RALGPS2: variants seen among roughly 807,000 people sequenced by gnomAD.
RALGPS2 encodes Ral GEF with PH domain and SH3 binding motif 2.
RALGPS2 carries 43 observed loss-of-function variants against 86.8 expected under a neutral mutation model. The observed-to-expected ratio is 0.50, with a 90% CI of 0.39 to 0.64. The LOEUF (loss-of-function observed/expected upper bound fraction) is 0.64, where lower values mean the gene tolerates loss of function less well. Ranked by LOEUF, RALGPS2 falls within the 30% of genes least tolerant of loss-of-function variation. The pLI is 0.00. For synonymous variants in RALGPS2, 243 were observed against 231.3 expected, an observed-to-expected ratio of 1.05 and a Z score of -0.46; for missense variants, 536 against 694.6, an observed-to-expected ratio of 0.77 and a Z score of 2.57.
intron 3 of RALGPS2, among the ~76,000 whole-genome samples, chr1:178,784,811 C>G (rs1215561762): frequency 6.6e-6 from 1 of 151,924 alleles, no homozygotes; most frequent in Admixed American, 6.6e-5. Flanking sequence ...TACCATTTCT[C>G]TAAGCCAACT....
intron 1 of RALGPS2, among the ~76,000 whole-genome samples, chr1:178,768,473 T>C (rs1652621232): frequency 6.6e-6 from 1 of 152,208 alleles, no homozygotes; most frequent in Non-Finnish European, 1.5e-5. Flanking sequence ...AGCACTTCTG[T>C]TGGCAGGTTT....
At chr1:178,847,241 T>A (rs574171858) in intron 8 of RALGPS2, among the ~76,000 whole-genome samples, 5 of 151,856 alleles carry the variant, frequency 3.3e-5, no homozygotes, top group Admixed American at 1.3e-4. Flanking sequence ...AGGTCAGGAG[T>A]TCGAGACTAG....
intron 8 of RALGPS2, among the ~76,000 whole-genome samples, chr1:178,866,690 T>C (rs1658433148): frequency 6.6e-6 from 1 of 152,138 alleles, no homozygotes; most frequent in Non-Finnish European, 1.5e-5. Context: ...AAGAACCTCT[T>C]TGTACTCTGT....
chr1:178,814,881 G>A (rs1447835248), intron 6 of RALGPS2, among the ~76,000 whole-genome samples: 1 of 152,076 alleles, frequency 6.6e-6, no homozygotes, highest in Non-Finnish European at 1.5e-5. Flanking sequence ...ATTTTTCATT[G>A]TTGCCAATTC....
At chr1:178,864,827 A>G (rs1360332584) in intron 8 of RALGPS2, 5 of 556,084 alleles carry the variant, frequency 9.0e-6, no homozygotes, top group Non-Finnish European at 5.4e-6. Flanking sequence ...TTAATAAAAA[A>G]CAATAGAAAT....
intron 1 of RALGPS2, among the ~76,000 whole-genome samples, chr1:178,738,431 A>C (rs1488535389): frequency 6.6e-6 from 1 of 151,660 alleles, no homozygotes; most frequent in Non-Finnish European, 1.5e-5. Flanking sequence ...CTGGTCTCGA[A>C]CTCCTGAGCT....
intron 1 of RALGPS2, among the ~76,000 whole-genome samples, chr1:178,730,529 C>T (rs192613704): frequency 6.6e-5 from 10 of 151,082 alleles, no homozygotes; most frequent in African/African-American, 2.2e-4. Context: ...TTTCTACAAA[C>T]TGTCCCAATA....
chr1:178,877,579 A>G lies in RALGPS2; in HGVS notation c.689A>G (p.Asn230Ser), dbSNP rs781536253. Residue 230 changes from asparagine to serine, a missense_variant, in exon 9 of 20, where the codon AAT (asparagine) becomes AGT (serine). Around this residue, in one of 3 missense-constraint regions of RALGPS2, gnomAD observed 184 missense variants for 296.7 expected, o/e 0.62. Transcript: ENST00000367635. ...ATTCTAGAAAATGAGCAAAGATCAA[A>G]TTTAATGAATAATATCCTTCGAATA... The part of the protein sequence containing the change: ...GSILENEQRS[N>S]LMNNILRIIS... The G allele has an allele frequency of 6.2e-6, 10 of 1,613,586 alleles. No individual in the cohort carries two copies. Among genetic ancestry groups the G allele is most frequent in the Non-Finnish European group, 5.9e-6 (7 of 1,179,608 alleles).
At chr1:178,785,717 C>T in intron 4 of RALGPS2, 110 bp downstream of exon 4, 1 of 1,365,394 alleles carries the variant, frequency 7.3e-7, no homozygotes, top group Non-Finnish European at 9.8e-7. Flanking sequence ...ATGTTTGAAG[C>T]TTGTGTTGTA....
At chr1:178,728,774 T>C (rs1055682489) in intron 1 of RALGPS2, among the ~76,000 whole-genome samples, 2 of 152,168 alleles carry the variant, frequency 1.3e-5, no homozygotes, top group East Asian at 1.9e-4. Context: ...GTGGAATTAA[T>C]CTGGAATCTT....
chr1:178,792,682 C>T (rs916132433), intron 4 of RALGPS2, among the ~76,000 whole-genome samples: 2 of 152,090 alleles, frequency 1.3e-5, no homozygotes, highest in African/African-American at 4.8e-5. Context: ...GTCCATTGGC[C>T]CAAGCTGCGT....
chr1:178,916,216 T>C (rs1660808252), intron 19 of RALGPS2, 114 bp from the exon 20 acceptor site: 2 of 817,602 alleles, frequency 2.4e-6, no homozygotes, highest in East Asian at 2.5e-5. Context: ...TCAAGTTCCT[T>C]TTAAAAGATA....
chr1:178,910,057 C>A (rs1057464641), intron 19 of RALGPS2, among the ~76,000 whole-genome samples: 6 of 152,110 alleles, frequency 3.9e-5, no homozygotes, highest in African/African-American at 1.4e-4. Flanking sequence ...ATTTGGCTCT[C>A]AGTTTGAGTG....
intron 8 of RALGPS2, among the ~76,000 whole-genome samples, chr1:178,835,823 C>T (rs967582992): frequency 3.9e-5 from 6 of 152,180 alleles, no homozygotes; most frequent in African/African-American, 1.4e-4. Context: ...ACCTAGAGAG[C>T]TCCAATTATA....
At chr1:178,785,875 C>G (rs543328826) in intron 4 of RALGPS2, among the ~76,000 whole-genome samples, 1 of 151,990 alleles carries the variant, frequency 6.6e-6, no homozygotes, top group African/African-American at 2.4e-5. Context: ...CTTTCTATAA[C>G]TTTTGATTCC....
intron 17 of RALGPS2, among the ~76,000 whole-genome samples, chr1:178,899,773 G>A (rs986038518): frequency 6.6e-6 from 1 of 151,554 alleles, no homozygotes; most frequent in Non-Finnish European, 1.5e-5. Flanking sequence ...TTTGGCAGGT[G>A]GAGTAAGGGC....
At position 178,816,769 on chromosome 1, in the gene RALGPS2, C is replaced by T. The variant is rs190292303; in HGVS notation, c.388-4843C>T. Among the ~76,000 whole-genome samples the T allele has an allele frequency of 6.0e-3, 906 of 149,866 alleles. 10 individuals are homozygous for T. The highest frequency in any genetic ancestry group is 0.021 in the African/African-American group (864 of 40,636). On this transcript the variant is annotated intron_variant, in intron 6 of 19. Transcript: ENST00000367635. ...TGTCACCCAGGCTGGTGCACAATGG[C>T]GCAATCTCAGCTCATTGCAACCTCT...
chr1:178,852,581 C>G, intron 8 of RALGPS2: 8 of 1,310,872 alleles, frequency 6.1e-6, no homozygotes, highest in Non-Finnish European at 8.3e-6. Context: ...GTGACCAAAA[C>G]TGACCTTTTT....
At position 178,918,962 on chromosome 1, in the gene RALGPS2, T is replaced by C. The variant is rs1017326872; in HGVS notation, c.*2603T>C. 1 of 152,060 alleles carries C rather than the reference T, an allele frequency of 6.6e-6. No individual in the cohort carries two copies. Among genetic ancestry groups the C allele is most frequent in the African/African-American group, 2.4e-5 (1 of 41,448 alleles). The allele number at this position is 152,060 out of a possible 1,614,324, so 9.4% of individuals were successfully genotyped here. A position where few individuals can be genotyped will look rare whatever the true frequency, so the allele number is the denominator to read the frequency against. On this transcript the variant is annotated 3_prime_UTR_variant, in exon 20 of 20. Transcript: ENST00000367635. ...TGTTCATCAGCATTCAGGTCATTTGTTTCACCCTTAGCCAAGAAGAACTCA... is the reference window on the plus strand; with the variant it reads ...TGTTCATCAGCATTCAGGTCATTTGCTTCACCCTTAGCCAAGAAGAACTCA...
Sources: gnomAD v4.1 joint callset for allele counts (sites outside exome capture counted in the v4.1 genomes callset) on GRCh38, gnomAD v4.1.1 for gene constraint, gnomAD v4.1.1 regional missense constraint, MANE v1.5 for transcripts, NCBI Gene and HGNC (gene_info 2026-07-23, HGNC 2026-07-21) for gene names.